Variants in DCC observed in about 807,000 individuals in gnomAD.
The protein encoded by DCC is DCC netrin 1 receptor, also known as netrin receptor DCC.
Under a neutral mutation model 172.5 loss-of-function variants are expected in DCC, and 58 were observed. The ratio of observed to expected loss-of-function variants is 0.34; its 90% CI spans 0.27 to 0.42. The LOEUF (loss-of-function observed/expected upper bound fraction) is 0.42. Ranked by LOEUF, DCC falls within the 10% of genes least tolerant of loss-of-function variation. The pLI is 1.00. For synonymous variants in DCC, 709 were observed against 644.5 expected, an observed-to-expected ratio of 1.10 and a Z score of -1.52; for missense variants, 1,740 against 1,791.0, an observed-to-expected ratio of 0.97 and a Z score of 0.51.
At chr18:52,858,226 G>T (rs2039083776) in intron 2 of DCC, among the ~76,000 whole-genome samples, 1 of 152,180 alleles carries the variant, frequency 6.6e-6, no homozygotes, top group Admixed American at 6.5e-5. Flanking sequence ...ATGGAGAAAT[G>T]GAGTATTGCT....
intron 1 of DCC, among the ~76,000 whole-genome samples, chr18:52,670,618 T>A (rs1344073843): frequency 6.6e-6 from 1 of 152,162 alleles, no homozygotes; most frequent in Non-Finnish European, 1.5e-5. Context: ...GGCAGGTGGA[T>A]CACCTGAGGT....
At chr18:53,486,689 T>G in intron 25 of DCC, 108 bp from the exon 26 acceptor site, 2 of 1,454,244 alleles carry the variant, frequency 1.4e-6, no homozygotes, top group Non-Finnish European at 1.9e-6. Context: ...GTTGATACTA[T>G]GAAGAGTGTG....
chr18:52,524,764 G>A (rs1326458891), intron 1 of DCC, among the ~76,000 whole-genome samples: 1 of 152,138 alleles, frequency 6.6e-6, no homozygotes, highest in East Asian at 1.9e-4. Flanking sequence ...CGCCTTGCTG[G>A]TGGTGGGAGA....
At chr18:52,603,234 C>T (rs2034054548) in intron 1 of DCC, among the ~76,000 whole-genome samples, 1 of 151,972 alleles carries the variant, frequency 6.6e-6, no homozygotes, top group African/African-American at 2.4e-5. Flanking sequence ...TTGAGGCAAC[C>T]GTCTAACTGA....
rs1568397356 is a variant in DCC, at chr18:53,260,269, GA to G, written c.1911+44673del. ...GAGGAGCTGCATTCCTTTAGAGGAGGAGAGGCGTTCTGATTTTTAGAGTTTC... is the reference window on the plus strand; with the variant it reads ...GAGGAGCTGCATTCCTTTAGAGGAGGGAGGCGTTCTGATTTTTAGAGTTTC... On this transcript the variant is annotated intron_variant, in intron 12 of 28. Coordinates refer to ENST00000442544, the MANE Select transcript of DCC (RefSeq NM_005215.4). Among the ~76,000 whole-genome samples, 4 of 152,184 alleles carry G rather than the reference GA, an allele frequency of 2.6e-5. No homozygotes were observed. In the South Asian group the frequency reaches 8.3e-4, roughly 32 times the overall value.
intron 1 of DCC, among the ~76,000 whole-genome samples, chr18:52,562,486 A>G (rs774864198): frequency 6.6e-6 from 1 of 152,144 alleles, no homozygotes; most frequent in Non-Finnish European, 1.5e-5. Flanking sequence ...AGTTTGTTTA[A>G]TATTTAATTT....
intron 1 of DCC, among the ~76,000 whole-genome samples, chr18:52,603,021 G>T (rs2034050594): frequency 1.3e-5 from 2 of 151,994 alleles, no homozygotes; most frequent in African/African-American, 4.8e-5. Context: ...GTATCTAATG[G>T]CCTTTCCTTG....
At chr18:53,065,971 T>C in intron 6 of DCC, 75 bp from the exon 7 acceptor site, 2 of 1,573,638 alleles carry the variant, frequency 1.3e-6, no homozygotes, top group Non-Finnish European at 1.7e-6. Flanking sequence ...CAAACTTTGG[T>C]CTCATCTAAG....
intron 5 of DCC, 77 bp downstream of exon 5, chr18:52,925,447 GA>G: frequency 7.0e-7 from 1 of 1,437,876 alleles, no homozygotes; most frequent in Non-Finnish European, 9.8e-7. Flanking sequence ...GCTCATCACT[GA>G]ATTGATTCCT....
chr18:52,800,030 A>G (rs2037954936), intron 2 of DCC, among the ~76,000 whole-genome samples: 1 of 152,206 alleles, frequency 6.6e-6, no homozygotes, highest in African/African-American at 2.4e-5. Context: ...GTTGTCAACA[A>G]ACATTTGCTG....
At chr18:53,152,740 G>T (rs1032218349) in intron 7 of DCC, among the ~76,000 whole-genome samples, 1 of 152,182 alleles carries the variant, frequency 6.6e-6, no homozygotes, top group Admixed American at 6.5e-5. Context: ...AGTCCTGATT[G>T]GTTCTTTATT....
chr18:53,158,624 G>A (rs1461080891), intron 8 of DCC, among the ~76,000 whole-genome samples: 1 of 151,270 alleles, frequency 6.6e-6, no homozygotes, highest in African/African-American at 2.4e-5. Flanking sequence ...GCTCTCCTTT[G>A]TAGTTGGCAG....
At chr18:53,082,884 T>C (rs186609238) in intron 7 of DCC, among the ~76,000 whole-genome samples, 38 of 152,226 alleles carry the variant, frequency 2.5e-4, no homozygotes, top group East Asian at 7.7e-4. Context: ...ACTCCCTCAT[T>C]CCTAGACTCC....
chr18:53,148,837 T>A (rs2043955238), intron 7 of DCC, among the ~76,000 whole-genome samples: 1 of 145,588 alleles, frequency 6.9e-6, no homozygotes. Flanking sequence ...TCTACCAGAC[T>A]CAAAACTAGC....
chr18:52,658,953 C>T (rs957106325), intron 1 of DCC, among the ~76,000 whole-genome samples: 7 of 152,106 alleles, frequency 4.6e-5, no homozygotes, highest in African/African-American at 1.7e-4. Flanking sequence ...CATTACTTGC[C>T]CTTCAATAGT....
chr18:52,681,446 G>C (rs1002623476), intron 1 of DCC, among the ~76,000 whole-genome samples: 1 of 152,036 alleles, frequency 6.6e-6, no homozygotes, highest in Non-Finnish European at 1.5e-5. Context: ...TGATTGACAA[G>C]AGTGAAATTT....
At chr18:52,627,298 A>G (rs1486630810) in intron 1 of DCC, among the ~76,000 whole-genome samples, 1 of 152,144 alleles carries the variant, frequency 6.6e-6, no homozygotes, top group African/African-American at 2.4e-5. Flanking sequence ...TGTTTTGGTC[A>G]CTGCTGTATT....
At position 52,497,274 on chromosome 18, in the gene DCC, AAAAAAAATATATATAT is replaced by A. The variant is rs1294567339; in HGVS notation, c.91+156398_91+156413del. On this transcript the variant is annotated intron_variant, in intron 1 of 28. Transcript: ENST00000442544. ...AGACCCTGTATCAAAAAAAAAAAAA[AAAAAAAATATATATAT>A]ATATATATATATATATATATATATA... is the stretch of plus-strand genomic sequence containing the variant. Among the ~76,000 whole-genome samples, 21 of 84,142 alleles carry A rather than the reference AAAAAAAATATATATAT, an allele frequency of 2.5e-4. 4 individuals carry two copies. In the South Asian group the frequency reaches 5.3e-3, roughly 21 times the overall value. 55.2% of individuals were successfully genotyped at this position (84,142 alleles called of 152,430 possible). A position where few individuals can be genotyped will look rare whatever the true frequency, so the allele number is the denominator to read the frequency against.
intron 1 of DCC, among the ~76,000 whole-genome samples, chr18:52,552,901 C>T (rs2032814989): frequency 6.6e-6 from 1 of 152,036 alleles, no homozygotes; most frequent in African/African-American, 2.4e-5. Flanking sequence ...ATAGCACATA[C>T]ACCAAAAAAT....
Sources: gnomAD v4.1 joint callset for allele counts (sites outside exome capture counted in the v4.1 genomes callset) on GRCh38, gnomAD v4.1.1 for gene constraint, MANE v1.5 for transcripts, NCBI Gene and HGNC (gene_info 2026-07-23, HGNC 2026-07-21) for gene names.